The following SH3RF3 variants were observed in gnomAD, a reference collection of about 807,000 sequenced individuals.
SH3RF3 encodes the protein SH3 domain containing ring finger 3, also known as E3 ubiquitin-protein ligase SH3RF3.
A neutral mutation model predicts 66.3 loss-of-function variants in SH3RF3; 29 were observed. That is an observed-to-expected ratio of 0.44 (90% confidence interval 0.33 to 0.60). SH3RF3 has a LOEUF of 0.60. Ranked by LOEUF, SH3RF3 falls within the 20% of genes least tolerant of loss-of-function variation. The probability of loss-of-function intolerance (pLI) is 0.04; values close to 1 mark genes in which losing one functional copy is unlikely to be tolerated. For missense variants in SH3RF3, 1,194 were observed against 1,190.9 expected, an observed-to-expected ratio of 1.00 and a Z score of -0.04; for synonymous variants, 583 against 532.0, an observed-to-expected ratio of 1.10 and a Z score of -1.32.
chr2:109,180,843 G>C (rs1678056909), intron 1 of SH3RF3, among the ~76,000 whole-genome samples: 1 of 152,220 alleles, frequency 6.6e-6, no homozygotes, highest in Non-Finnish European at 1.5e-5. Context: ...TCAGCTAAGA[G>C]TGTGGTCACA....
chr2:109,242,941 A>G (rs1679821093), intron 1 of SH3RF3, among the ~76,000 whole-genome samples: 1 of 151,978 alleles, frequency 6.6e-6, no homozygotes, highest in Admixed American at 6.5e-5. Flanking sequence ...CAGCCAAAGG[A>G]CTCTTGTCCT....
chr2:109,150,491 G>A (rs561819502), intron 1 of SH3RF3, among the ~76,000 whole-genome samples: 2 of 152,266 alleles, frequency 1.3e-5, no homozygotes, highest in East Asian at 3.9e-4. Context: ...ACAAAAACGA[G>A]GAATTCAACT....
chr2:109,410,404 C>T (rs536662244), intron 4 of SH3RF3, among the ~76,000 whole-genome samples: 5 of 152,206 alleles, frequency 3.3e-5, no homozygotes, highest in Non-Finnish European at 7.3e-5. Context: ...GCCCTGACCT[C>T]GGTGCGGAGG....
At chr2:109,148,641 C>T (rs965606704) in intron 1 of SH3RF3, among the ~76,000 whole-genome samples, 7 of 152,162 alleles carry the variant, frequency 4.6e-5, no homozygotes, top group African/African-American at 1.7e-4. Flanking sequence ...AGGCAGAAGC[C>T]ACAGCGTTTA....
intron 1 of SH3RF3, among the ~76,000 whole-genome samples, chr2:109,164,864 C>T (rs992504213): frequency 2.0e-5 from 3 of 152,188 alleles, no homozygotes; most frequent in African/African-American, 7.2e-5. Flanking sequence ...ATCAAGGCTG[C>T]AAGTTCCTTT....
chr2:109,293,902 G>C (rs1011179529), intron 1 of SH3RF3, among the ~76,000 whole-genome samples: 1 of 152,172 alleles, frequency 6.6e-6, no homozygotes, highest in African/African-American at 2.4e-5. Context: ...GCTTGTTGCC[G>C]AGTAGCCCTG....
chr2:109,322,675 A>C (rs1046602978), intron 1 of SH3RF3, among the ~76,000 whole-genome samples: 1 of 152,240 alleles, frequency 6.6e-6, no homozygotes, highest in Non-Finnish European at 1.5e-5. Context: ...AGGACTCATT[A>C]GCTGAGCACA....
intron 1 of SH3RF3, among the ~76,000 whole-genome samples, chr2:109,289,367 T>C (rs1051238993): frequency 6.6e-6 from 1 of 152,318 alleles, no homozygotes; most frequent in Non-Finnish European, 1.5e-5. Flanking sequence ...TTTCAGACAG[T>C]TCCTTGCATC....
chr2:109,370,227 G>GTCTCTC (rs144011127), intron 2 of SH3RF3, among the ~76,000 whole-genome samples: 5 of 96,642 alleles, frequency 5.2e-5, no homozygotes, highest in South Asian at 7.0e-4. Flanking sequence ...CTCTGTCTCT[G>GTCTCTC]TCTCTCTCTC....
intron 2 of SH3RF3, among the ~76,000 whole-genome samples, chr2:109,365,514 C>T (rs1683137631): frequency 6.6e-6 from 1 of 152,116 alleles, no homozygotes; most frequent in African/African-American, 2.4e-5. Context: ...GTTTGTTCAG[C>T]TTTTTTACTC....
At chr2:109,218,147 G>C (rs926535414) in intron 1 of SH3RF3, among the ~76,000 whole-genome samples, 2 of 120,966 alleles carry the variant, frequency 1.7e-5, no homozygotes, top group African/African-American at 8.3e-5. Context: ...CTCCTTTTCT[G>C]TTCTATTAAA....
rs61141462 is a variant in SH3RF3, at chr2:109,250,090, C to CT, written c.574-97569dup. On this transcript the variant is annotated intron_variant, in intron 1 of 9. Coordinates refer to ENST00000309415, the MANE Select transcript of SH3RF3 (RefSeq NM_001099289.3). ...TTTGAGGGCAAAACAGTAGGTGTTC[C>CT]TTTTTTTTTTTTTTTGTCTAATTAG... Among the ~76,000 whole-genome samples, 733 of 134,922 alleles carry CT rather than the reference C, an allele frequency of 5.4e-3. 4 individuals are homozygous for CT. Among genetic ancestry groups the CT allele is most frequent in the African/African-American group, 0.011 (395 of 37,134 alleles). 88.5% of individuals were successfully genotyped at this position (134,922 alleles called of 152,430 possible).
rs372034025 is a variant in SH3RF3, at chr2:109,449,046, A to G, written c.1829-124A>G. 5 of 1,174,046 alleles carry G rather than the reference A, an allele frequency of 4.3e-6. No homozygotes were observed. In the East Asian group the frequency reaches 1.3e-4, roughly 31 times the overall value. The allele number at this position is 1,174,046 out of a possible 1,614,324, so 72.7% of individuals were successfully genotyped here. The stretch of plus-strand genomic sequence containing the variant: ...GTGAAGAGGCCAGGTCTGTCTGGAG[A>G]AACTTCAGAGAGAGGCTGTGAGTGC... On this transcript the variant is annotated intron_variant, in intron 7 of 9. Transcript: ENST00000309415.
Position 109,289,245 on chromosome 2 carries a change from A to G in SH3RF3, c.574-58429A>G, listed in dbSNP as rs76919692. 3.5e-4 allele frequency among the ~76,000 whole-genome samples: 53 copies of G among 152,276 alleles called. No homozygotes were observed. The East Asian group carries it at 9.5e-3, about 27-fold the overall frequency. Reference sequence around the variant, plus strand: ...GCACGCTCTATGTGCACACGGTGTAATGAATGCCACATTATCACCCACTGG... The same window carrying G: ...GCACGCTCTATGTGCACACGGTGTAGTGAATGCCACATTATCACCCACTGG... On this transcript the variant is annotated intron_variant, in intron 1 of 9. Coordinates refer to ENST00000309415, the MANE Select transcript of SH3RF3 (RefSeq NM_001099289.3).
intron 1 of SH3RF3, among the ~76,000 whole-genome samples, chr2:109,144,793 T>C (rs1677053334): frequency 6.6e-6 from 1 of 152,208 alleles, no homozygotes; most frequent in Non-Finnish European, 1.5e-5. Flanking sequence ...GGCTGGAGCC[T>C]GAGCCACAGC....
At chr2:109,498,166 C>T (rs1475217489) in intron 9 of SH3RF3, among the ~76,000 whole-genome samples, 1 of 152,210 alleles carries the variant, frequency 6.6e-6, no homozygotes, top group Non-Finnish European at 1.5e-5. Flanking sequence ...TTCCCGCCTG[C>T]ATGTCCCTGA....
At chr2:109,487,365 C>T (rs1200896885) in intron 8 of SH3RF3, among the ~76,000 whole-genome samples, 2 of 152,316 alleles carry the variant, frequency 1.3e-5, no homozygotes, top group Non-Finnish European at 2.9e-5. Context: ...GACCGTCTAC[C>T]TCCATATTCC....
chr2:109,434,819 A>G (rs529756522), intron 6 of SH3RF3, among the ~76,000 whole-genome samples: 1 of 152,318 alleles, frequency 6.6e-6, no homozygotes, highest in South Asian at 2.1e-4. Context: ...CTTGCATACC[A>G]TGTTCATATA....
At chr2:109,190,186 T>A (rs1678311588) in intron 1 of SH3RF3, among the ~76,000 whole-genome samples, 1 of 152,236 alleles carries the variant, frequency 6.6e-6, no homozygotes, top group Non-Finnish European at 1.5e-5. Context: ...TATTTTTTTT[T>A]TTTTGAGACG....
Sources: allele counts gnomAD v4.1 joint callset (sites outside exome capture counted in the v4.1 genomes callset), GRCh38; gene constraint gnomAD v4.1.1; transcripts MANE v1.5; gene names NCBI Gene and HGNC (gene_info 2026-07-23, HGNC 2026-07-21).